The following CDC42SE2 variants were observed in gnomAD, a reference collection of about 807,000 sequenced individuals.
CDC42SE2 encodes the protein CDC42 small effector 2, also known as CDC42 small effector protein 2.
In CDC42SE2, 3 loss-of-function variants were observed where a neutral mutation model predicts 11.5. That is an observed-to-expected ratio of 0.26 (90% CI 0.12 to 0.67). CDC42SE2 has a LOEUF of 0.67. Ranked by LOEUF, CDC42SE2 falls within the 30% of genes least tolerant of loss-of-function variation. CDC42SE2 has a pLI of 0.80. For missense variants in CDC42SE2, 82 were observed against 106.8 expected (o/e 0.77, Z 1.02); for synonymous variants, 33 against 34.8 (o/e 0.95, Z 0.18).
chr5:131,245,098 A>G (rs1756569903), upstream of CDC42SE2, among the ~76,000 whole-genome samples: 1 of 152,204 alleles, frequency 6.6e-6, no homozygotes, highest in Non-Finnish European at 1.5e-5. Flanking sequence ...TCAGAAAATA[A>G]TTATGAAAAC....
At chr5:131,318,350 T>G (rs948057996) in intron 2 of CDC42SE2, among the ~76,000 whole-genome samples, 1 of 152,170 alleles carries the variant, frequency 6.6e-6, no homozygotes, top group Non-Finnish European at 1.5e-5. Flanking sequence ...ATCATTAAGG[T>G]CAACTTTAAT....
intron 2 of CDC42SE2, among the ~76,000 whole-genome samples, chr5:131,345,354 C>T (rs982626282): frequency 6.6e-6 from 1 of 152,018 alleles, no homozygotes; most frequent in East Asian, 1.9e-4. Context: ...CTACGTGACT[C>T]ATGCACAAGC....
chr5:131,221,220 C>T, the CDC42SE2 span, among the ~76,000 whole-genome samples: 1 of 152,040 alleles, frequency 6.6e-6, no homozygotes, highest in Admixed American at 6.6e-5. Flanking sequence ...AGCCCACGGC[C>T]ACATGCAGCA....
intron 2 of CDC42SE2, among the ~76,000 whole-genome samples, chr5:131,346,007 C>T (rs1266783980): frequency 6.6e-6 from 1 of 152,196 alleles, no homozygotes; most frequent in Non-Finnish European, 1.5e-5. Flanking sequence ...AAGCACTCAA[C>T]ATGGAAAGGA....
the CDC42SE2 span, among the ~76,000 whole-genome samples, chr5:131,222,624 T>C: frequency 2.0e-3 from 301 of 152,336 alleles, 1 homozygote; most frequent in African/African-American, 6.7e-3. Flanking sequence ...CTTTTGTATT[T>C]CTACTGCATG....
chr5:131,366,334 CTG>C (rs776016717), intron 3 of CDC42SE2, among the ~76,000 whole-genome samples: 4 of 152,204 alleles, frequency 2.6e-5, no homozygotes, highest in Non-Finnish European at 5.9e-5. Context: ...GTACTGTTGT[CTG>C]TGCCCTTAAC....
At chr5:131,384,213 G>A (rs937589933) in intron 3 of CDC42SE2, among the ~76,000 whole-genome samples, 2 of 152,134 alleles carry the variant, frequency 1.3e-5, no homozygotes, top group African/African-American at 2.4e-5. Context: ...TGTGGTTGTT[G>A]TTTCTATCTA....
intron 1 of CDC42SE2, among the ~76,000 whole-genome samples, chr5:131,310,912 CTT>C (rs1379657963): frequency 6.6e-6 from 1 of 151,736 alleles, no homozygotes; most frequent in Non-Finnish European, 1.5e-5. Flanking sequence ...GCCAGTCTGT[CTT>C]TTAATTGGAG....
At chr5:131,276,097 C>T (rs1384269682) in intron 1 of CDC42SE2, among the ~76,000 whole-genome samples, 5 of 150,934 alleles carry the variant, frequency 3.3e-5, no homozygotes, top group Non-Finnish European at 1.5e-5. Flanking sequence ...TATGTCAAGA[C>T]AAGATTTTTT....
intron 1 of CDC42SE2, among the ~76,000 whole-genome samples, chr5:131,310,961 T>C (rs2149724265): frequency 6.6e-6 from 1 of 151,680 alleles, no homozygotes; most frequent in South Asian, 2.1e-4. Context: ...AATATTGTTA[T>C]GTGTGAATTT....
rs7705062 is a variant in CDC42SE2 at position 131,326,448 on chromosome 5, A to G, written c.-286+10304A>G. On this transcript the variant is annotated intron_variant, in intron 2 of 4. Coordinates refer to ENST00000505065, the MANE Select transcript of CDC42SE2 (RefSeq NM_001375635.1). ...GGTTATTGATCTTGTGTTTTGGGCC[A>G]TGCTTTTTGGGCTATTATATGACCT... Among the ~76,000 whole-genome samples the G allele has an allele frequency of 7.6e-4, 116 of 152,306 alleles. 1 individual carries two copies. Among genetic ancestry groups the G allele is most frequent in the African/African-American group, 2.4e-3 (99 of 41,558 alleles).
intron 3 of CDC42SE2, among the ~76,000 whole-genome samples, chr5:131,381,621 C>T (rs749525463): frequency 3.0e-4 from 45 of 152,232 alleles, no homozygotes; most frequent in Non-Finnish European, 5.6e-4. Context: ...CCACATCCGG[C>T]CCAAATGCTG....
intron 2 of CDC42SE2, among the ~76,000 whole-genome samples, chr5:131,346,742 C>G (rs1227525246): frequency 2.0e-5 from 3 of 152,170 alleles, no homozygotes; most frequent in Non-Finnish European, 4.4e-5. Flanking sequence ...AAACTGACCA[C>G]ATAGTTGGAA....
chr5:131,364,768 TTTG>T (rs1207999928), intron 3 of CDC42SE2, among the ~76,000 whole-genome samples: 5 of 152,300 alleles, frequency 3.3e-5, no homozygotes, highest in African/African-American at 1.2e-4. Context: ...CTTTCTGCCA[TTTG>T]TTGTTGTTCT....
At chr5:131,380,548 A>G (rs1018786789) in intron 3 of CDC42SE2, among the ~76,000 whole-genome samples, 3 of 152,182 alleles carry the variant, frequency 2.0e-5, no homozygotes, top group Admixed American at 6.5e-5. Flanking sequence ...ATATTTATTT[A>G]TATTTAAATC....
At chr5:131,306,602 G>T (rs547469821) in intron 1 of CDC42SE2, among the ~76,000 whole-genome samples, 3 of 152,038 alleles carry the variant, frequency 2.0e-5, no homozygotes, top group Non-Finnish European at 2.9e-5. Flanking sequence ...TGAATTTTAG[G>T]ATTATTTTTT....
chr5:131,286,432 C>T (rs894143395), intron 1 of CDC42SE2, among the ~76,000 whole-genome samples: 13 of 137,926 alleles, frequency 9.4e-5, no homozygotes, highest in South Asian at 7.0e-4. Flanking sequence ...CTGCCCTTGA[C>T]GTACAAGAAG....
intron 1 of CDC42SE2, among the ~76,000 whole-genome samples, chr5:131,308,150 G>T (rs552927584): frequency 1.3e-5 from 2 of 152,248 alleles, no homozygotes; most frequent in Non-Finnish European, 1.5e-5. Flanking sequence ...TCCAGTTTCA[G>T]CTTTCTACAT....
chr5:131,281,311 CAT>C (rs1448041375), intron 1 of CDC42SE2, among the ~76,000 whole-genome samples: 3 of 152,208 alleles, frequency 2.0e-5, no homozygotes, highest in Middle Eastern at 3.4e-3. Flanking sequence ...AAACATTTCT[CAT>C]GTGGTAAAGA....
Sources: allele counts gnomAD v4.1 joint callset (sites outside exome capture counted in the v4.1 genomes callset), GRCh38; gene constraint gnomAD v4.1.1; transcripts MANE v1.5; gene names NCBI Gene and HGNC (gene_info 2026-07-23, HGNC 2026-07-21).